The following AHCYL1 variants were observed in gnomAD, a reference collection of about 807,000 sequenced individuals.
The protein encoded by AHCYL1 is adenosylhomocysteinase like 1, also known as S-adenosylhomocysteine hydrolase-like protein 1.
AHCYL1 carries 20 observed loss-of-function variants against 79.3 expected under a neutral mutation model. The observed-to-expected ratio is 0.25, with a 90% CI of 0.18 to 0.37. AHCYL1 has a LOEUF of 0.37. Among genes scored for constraint, AHCYL1 ranks in the 10% least tolerant of loss-of-function variants. The pLI is 1.00. For missense variants in AHCYL1, 330 were observed against 673.6 expected (o/e 0.49, Z 5.65); for synonymous variants, 223 against 242.2 (o/e 0.92, Z 0.74).
At chr1:110,020,902 A>G in intron 16 of AHCYL1, 51 bp downstream of exon 16, 1 of 1,584,030 alleles carries the variant, frequency 6.3e-7, no homozygotes, top group Non-Finnish European at 8.6e-7. Flanking sequence ...TATTAAACCA[A>G]GCAGGCTAGC....
At chr1:110,003,013 CTG>C (rs960490632) in intron 1 of AHCYL1, among the ~76,000 whole-genome samples, 23 of 151,982 alleles carry the variant, frequency 1.5e-4, no homozygotes, top group African/African-American at 5.3e-4. Flanking sequence ...ATTGGAGAGA[CTG>C]TTCTAGATTA....
chr1:110,009,422 C>T (rs146560683), intron 2 of AHCYL1, among the ~76,000 whole-genome samples: 14 of 152,304 alleles, frequency 9.2e-5, no homozygotes, highest in Non-Finnish European at 1.6e-4. Flanking sequence ...CCACATTGAT[C>T]CGCCCATTTC....
intron 11 of AHCYL1, 88 bp from the exon 12 acceptor site, chr1:110,018,285 C>G (rs1651548943): frequency 2.4e-6 from 3 of 1,247,460 alleles, no homozygotes; most frequent in Non-Finnish European, 3.5e-6. Context: ...TGCCAGCAAG[C>G]CTCTGGTCTC....
rs1005094378 is a variant in AHCYL1 at position 109,986,174 on chromosome 1, CCTT to C, written c.120+1006_120+1008del. On this transcript the variant is annotated intron_variant, in intron 1 of 16. Transcript: ENST00000369799. ...CAGTGAGAACCCAGATAAATGTCTC[CCTT>C]CTTTATAAAGACAGAGTCTTACAAA... Among the ~76,000 whole-genome samples, 24 of 152,266 alleles carry C rather than the reference CCTT, an allele frequency of 1.6e-4. No homozygotes were observed. The South Asian group carries it at 1.9e-3, about 12-fold the overall frequency.
chr1:110,007,068 T>C (rs1039091794), intron 1 of AHCYL1, among the ~76,000 whole-genome samples: 3 of 152,130 alleles, frequency 2.0e-5, no homozygotes, highest in African/African-American at 7.2e-5. Flanking sequence ...ATTATGACTA[T>C]TCGGTTTTTA....
intron 5 of AHCYL1, among the ~76,000 whole-genome samples, chr1:110,013,926 G>A (rs1230729747): frequency 6.6e-6 from 1 of 150,860 alleles, no homozygotes; most frequent in East Asian, 2.0e-4. Flanking sequence ...TCAGCCTCCT[G>A]AGTAGCTGGG....
chr1:109,984,985 G>T lies in AHCYL1; in HGVS notation c.-68G>T. The T allele has an allele frequency of 7.2e-7, 1 of 1,384,506 alleles. No individual in the cohort carries two copies. Among genetic ancestry groups the T allele is most frequent in the Admixed American group, 3.7e-5 (1 of 26,758 alleles). 85.8% of individuals were successfully genotyped at this position (1,384,506 alleles called of 1,614,324 possible). ...GTGTCGGAGGGCGCCGCGCGGGCAGGCGGGCGGGCGCCAGAGGGGGAAAGA... is the reference window on the plus strand; with the variant it reads ...GTGTCGGAGGGCGCCGCGCGGGCAGTCGGGCGGGCGCCAGAGGGGGAAAGA... On this transcript the variant is annotated 5_prime_UTR_variant, in exon 1 of 17. Coordinates refer to ENST00000369799, the MANE Select transcript of AHCYL1 (RefSeq NM_006621.7).
chr1:110,010,108 A>G (rs1208956013), intron 2 of AHCYL1, among the ~76,000 whole-genome samples: 3 of 152,246 alleles, frequency 2.0e-5, no homozygotes. Flanking sequence ...GTAGCCAAGA[A>G]AGAAGAAAAA....
At chr1:109,985,345 C>T (rs1295403439) in intron 1 of AHCYL1, 173 bp downstream of exon 1, 13 of 1,330,162 alleles carry the variant, frequency 9.8e-6, no homozygotes, top group South Asian at 5.6e-5. Flanking sequence ...GAAAGGCCGC[C>T]TCTGACCTCG....
chr1:109,985,400 A>C, intron 1 of AHCYL1: 1 of 1,270,594 alleles, frequency 7.9e-7, no homozygotes, highest in Non-Finnish European at 1.0e-6. Flanking sequence ...TCGTTTTGAA[A>C]CCCGACAGGG....
At position 110,020,859 on chromosome 1, in the gene AHCYL1, G is replaced by C. The variant is rs1651749234; in HGVS notation, c.1586+8G>C. 6.2e-7 allele frequency: 1 copy of C among 1,607,364 alleles called. No homozygotes were observed. The highest frequency in any genetic ancestry group is 8.5e-7 in the Non-Finnish European group (1 of 1,178,056). ...CAAACCTAATTATTACAGGTAACCT[G>C]GGGAGAAGCAAGTGAAAAGCTCTTT... is the stretch of plus-strand genomic sequence containing the variant. On this transcript the variant is annotated splice_region_variant and intron_variant, in intron 16 of 16. Coordinates refer to ENST00000369799, the MANE Select transcript of AHCYL1 (RefSeq NM_006621.7).
At chr1:110,020,130 A>C (rs1240024161) in intron 15 of AHCYL1, among the ~76,000 whole-genome samples, 3 of 152,194 alleles carry the variant, frequency 2.0e-5, no homozygotes, top group Non-Finnish European at 2.9e-5. Flanking sequence ...GGCTAGCCCA[A>C]ATCCCTGACT....
intron 16 of AHCYL1, among the ~76,000 whole-genome samples, chr1:110,021,148 C>T (rs886164842): frequency 2.6e-5 from 4 of 151,912 alleles, no homozygotes; most frequent in African/African-American, 7.3e-5. Flanking sequence ...GGCTGAGGCA[C>T]GAGAATCACT....
intron 1 of AHCYL1, among the ~76,000 whole-genome samples, chr1:109,995,289 G>A (rs1028639624): frequency 3.9e-5 from 6 of 152,154 alleles, no homozygotes; most frequent in African/African-American, 1.4e-4. Flanking sequence ...GGGGAGCAGG[G>A]GGTTCATAAT....
Position 110,009,118 on chromosome 1 carries a change from C to G in AHCYL1, c.205C>G (p.Gln69Glu). 1.2e-6 allele frequency: 2 copies of G among 1,613,828 alleles called. No homozygotes were observed. Among genetic ancestry groups the G allele is most frequent in the Non-Finnish European group, 1.7e-6 (2 of 1,179,774 alleles). The change falls in exon 2 of 17, where the codon CAG (glutamine) becomes GAG (glutamate). Residue 69 changes from glutamine to glutamate, a missense_variant. Coordinates refer to ENST00000369799, the MANE Select transcript of AHCYL1 (RefSeq NM_006621.7). ...GRRSLSRSIS[Q>E]SSTDSYSSAA... is the part of the protein sequence containing the mutation. ...AAGATCTTTGTCTCGCTCGATCTCA[C>G]AGTCCTCCACTGACAGCTACAGTTC...
intron 15 of AHCYL1, 122 bp downstream of exon 15, chr1:110,019,748 T>C: frequency 3.3e-6 from 3 of 916,748 alleles, no homozygotes; most frequent in Non-Finnish European, 3.3e-6. Flanking sequence ...ACTGGTTGTT[T>C]GACCTCAGGA....
intron 6 of AHCYL1, 141 bp from the exon 7 acceptor site, chr1:110,015,284 C>A: frequency 2.8e-6 from 2 of 714,322 alleles, no homozygotes. Context: ...TATTTCCACT[C>A]TCTAAGCCTG....
At chr1:109,989,376 T>C (rs916408052) in intron 1 of AHCYL1, among the ~76,000 whole-genome samples, 5 of 152,168 alleles carry the variant, frequency 3.3e-5, no homozygotes, top group Non-Finnish European at 5.9e-5. Flanking sequence ...AATATTCTTT[T>C]TTAAAATTTA....
At chr1:110,020,413 T>A (rs1255310439) in intron 15 of AHCYL1, among the ~76,000 whole-genome samples, 2 of 152,132 alleles carry the variant, frequency 1.3e-5, no homozygotes, top group Non-Finnish European at 2.9e-5. Context: ...AGGAGTAGCA[T>A]GTGACATGTG....
Sources: gnomAD v4.1 joint callset for allele counts (sites outside exome capture counted in the v4.1 genomes callset) on GRCh38, gnomAD v4.1.1 for gene constraint, MANE v1.5 for transcripts, NCBI Gene and HGNC (gene_info 2026-07-23, HGNC 2026-07-21) for gene names.